Variants in TSNARE1 observed in about 807,000 individuals in gnomAD.
The protein encoded by TSNARE1 is t-SNARE domain-containing protein 1.
A neutral mutation model predicts 62.0 loss-of-function variants in TSNARE1; 49 were observed. The ratio of observed to expected loss-of-function variants is 0.79; its 90% CI spans 0.63 to 1.00. The LOEUF (loss-of-function observed/expected upper bound fraction) is 1.00, where lower values mean the gene tolerates loss of function less well. Ranked by LOEUF, TSNARE1 falls within the 50% of genes least tolerant of loss-of-function variation. The pLI is 0.00. For synonymous variants in TSNARE1, 328 were observed against 294.4 expected (o/e 1.11, Z -1.17); for missense variants, 755 against 700.1 (o/e 1.08, Z -0.88).
intron 12 of TSNARE1, among the ~76,000 whole-genome samples, chr8:142,247,021 T>C (rs150095057): frequency 1.3e-5 from 2 of 152,314 alleles, no homozygotes; most frequent in Non-Finnish European, 2.9e-5. Flanking sequence ...TGCGACCAGC[T>C]ATGGCCAGAC....
chr8:142,322,627 A>G (rs925595777), intron 6 of TSNARE1, among the ~76,000 whole-genome samples: 1 of 152,242 alleles, frequency 6.6e-6, no homozygotes, highest in Non-Finnish European at 1.5e-5. Flanking sequence ...GTTGCAGCCA[A>G]TGAGAGGAGA....
At chr8:142,300,767 G>A (rs890994797) in intron 9 of TSNARE1, 123 bp from the exon 10 acceptor site, 73 of 1,282,386 alleles carry the variant, frequency 5.7e-5, no homozygotes, top group African/African-American at 1.3e-4. Context: ...CTGAGGGGAC[G>A]ATCTGGGTCT....
chr8:142,349,657 C>T (rs1833836356), intron 2 of TSNARE1, among the ~76,000 whole-genome samples: 1 of 152,188 alleles, frequency 6.6e-6, no homozygotes, highest in African/African-American at 2.4e-5. Context: ...TACAGAATAT[C>T]AGGAATGAGA....
rs1832795224 is a variant in TSNARE1, at chr8:142,342,969, A to G, written c.745+997T>C. Reference sequence around the variant, plus strand: ...AGCACTTGTCCAGACCCACCACAGCAAGAGCTCAGCATGCCATGCCTACGC... The same window carrying G: ...AGCACTTGTCCAGACCCACCACAGCGAGAGCTCAGCATGCCATGCCTACGC... On this transcript the variant is annotated intron_variant, in intron 4 of 13. Coordinates refer to ENST00000524325, the MANE Select transcript of TSNARE1 (RefSeq NM_145003.5). Among the ~76,000 whole-genome samples the G allele has an allele frequency of 3.4e-5, 5 of 145,282 alleles. No individual in the cohort carries two copies. In the South Asian group the frequency reaches 8.8e-4, roughly 26 times the overall value.
At chr8:142,322,499 A>T (rs1370724622) in intron 6 of TSNARE1, among the ~76,000 whole-genome samples, 2 of 152,256 alleles carry the variant, frequency 1.3e-5, no homozygotes, top group Non-Finnish European at 2.9e-5. Context: ...AGACATGTAC[A>T]TCTATATAGA....
intron 11 of TSNARE1, chr8:142,276,981 AG>A: frequency 1.0e-6 from 1 of 985,356 alleles, no homozygotes; most frequent in Non-Finnish European, 1.2e-6. Flanking sequence ...GCACAAGGGG[AG>A]GGGGGCTGCT....
chr8:142,274,643 G>A, intron 12 of TSNARE1, 138 bp downstream of exon 12: 1 of 1,358,800 alleles, frequency 7.4e-7, no homozygotes, highest in Non-Finnish European at 9.5e-7. Flanking sequence ...CAGCAGACTG[G>A]TTCAGAGGAG....
chr8:142,289,150 G>A (rs1823329036), intron 10 of TSNARE1, among the ~76,000 whole-genome samples: 1 of 152,362 alleles, frequency 6.6e-6, no homozygotes, highest in East Asian at 1.9e-4. Flanking sequence ...GGCACCCCCT[G>A]CCGAGGCGCT....
At chr8:142,326,430 T>C (rs56272088) in intron 6 of TSNARE1, among the ~76,000 whole-genome samples, 1,829 of 11,596 alleles carry the variant, frequency 0.16, 626 homozygotes, top group African/African-American at 0.35. Context: ...CCGGAGACCA[T>C]GAGACGGATG....
At chr8:142,345,717 T>C (rs753209830) in intron 3 of TSNARE1, 26 bp downstream of exon 3, 3 of 1,556,314 alleles carry the variant, frequency 1.9e-6, no homozygotes, top group Middle Eastern at 1.7e-4. Flanking sequence ...CCAGGACCCC[T>C]GAGACCCAGC....
At chr8:142,241,182 C>T (rs1251828036) in intron 12 of TSNARE1, among the ~76,000 whole-genome samples, 2 of 152,278 alleles carry the variant, frequency 1.3e-5, no homozygotes, top group East Asian at 1.9e-4. Flanking sequence ...TTGCAGGATA[C>T]AAAATCCACA....
chr8:142,308,708 C>T (rs761799554), intron 9 of TSNARE1, among the ~76,000 whole-genome samples: 2 of 152,180 alleles, frequency 1.3e-5, no homozygotes, highest in Admixed American at 6.5e-5. Context: ...AAATCCCTTT[C>T]GTTCTTCTTC....
At chr8:142,287,315 A>G (rs113753452) in intron 10 of TSNARE1, among the ~76,000 whole-genome samples, 1 of 110,860 alleles carries the variant, frequency 9.0e-6, no homozygotes, top group South Asian at 3.3e-4. Context: ...GCCAGATCTC[A>G]GGGACAGTGG....
At chr8:142,371,305 G>A (rs1486528229) in intron 1 of TSNARE1, among the ~76,000 whole-genome samples, 2 of 152,120 alleles carry the variant, frequency 1.3e-5, no homozygotes, top group Non-Finnish European at 2.9e-5. Flanking sequence ...TTCCATGAAG[G>A]GGGAAAAAAA....
chr8:142,313,673 C>T (rs535253620), intron 9 of TSNARE1, among the ~76,000 whole-genome samples: 4 of 151,954 alleles, frequency 2.6e-5, no homozygotes, highest in Non-Finnish European at 5.9e-5. Flanking sequence ...GTGTCTGTGT[C>T]TCTGTGTGTT....
At chr8:142,338,160 C>G (rs767643678) in intron 4 of TSNARE1, among the ~76,000 whole-genome samples, 3 of 152,258 alleles carry the variant, frequency 2.0e-5, no homozygotes, top group Non-Finnish European at 4.4e-5. Flanking sequence ...CTGCTGTGAA[C>G]AGGGATAACG....
intron 4 of TSNARE1, among the ~76,000 whole-genome samples, chr8:142,337,760 G>C (rs1268762666): frequency 3.3e-5 from 5 of 152,202 alleles, no homozygotes; most frequent in Non-Finnish European, 7.3e-5. Flanking sequence ...AGCCCCGACT[G>C]GGCCAACTCA....
At chr8:142,244,043 G>A (rs773480320) in intron 12 of TSNARE1, among the ~76,000 whole-genome samples, 2 of 152,104 alleles carry the variant, frequency 1.3e-5, no homozygotes, top group African/African-American at 2.4e-5. Flanking sequence ...AAAATTAGCC[G>A]GGCGTGGTGG....
At chr8:142,278,559 G>A (rs751735140) in intron 11 of TSNARE1, 2 of 985,482 alleles carry the variant, frequency 2.0e-6, no homozygotes, top group Non-Finnish European at 1.2e-6. Flanking sequence ...GTCTTGAGGA[G>A]GAGAGGAGGT....
Sources: allele counts gnomAD v4.1 joint callset (sites outside exome capture counted in the v4.1 genomes callset), GRCh38; gene constraint gnomAD v4.1.1; transcripts MANE v1.5; gene names NCBI Gene and HGNC (gene_info 2026-07-23, HGNC 2026-07-21).